The following RAD23B variants were observed in gnomAD, a reference collection of about 807,000 sequenced individuals.
RAD23B encodes the protein RAD23 nucleotide excision repair protein B.
RAD23B carries 5 observed loss-of-function variants against 49.1 expected under a neutral mutation model. The ratio of observed to expected loss-of-function variants is 0.10; its 90% CI spans 0.05 to 0.21. The LOEUF is 0.21. Among genes scored for constraint, RAD23B ranks in the 10% least tolerant of loss-of-function variants. The pLI, the probability that RAD23B is intolerant of heterozygous loss-of-function variation, is 1.00. For synonymous variants in RAD23B, 184 were observed against 165.4 expected (o/e 1.11, Z -0.86); for missense variants, 356 against 486.7 (o/e 0.73, Z 2.53).
At chr9:107,319,964 A>C (rs1217383360) in intron 6 of RAD23B, among the ~76,000 whole-genome samples, 1 of 152,174 alleles carries the variant, frequency 6.6e-6, no homozygotes, top group African/African-American at 2.4e-5. Context: ...TATCATCTTA[A>C]AGTTGCCTGA....
intron 2 of RAD23B, among the ~76,000 whole-genome samples, chr9:107,301,358 A>G (rs1450027680): frequency 6.6e-6 from 1 of 152,180 alleles, no homozygotes; most frequent in African/African-American, 2.4e-5. Flanking sequence ...TATTTTCCAG[A>G]GGACCCCTGT....
chr9:107,294,687 TAA>T (rs1241544025), intron 1 of RAD23B, among the ~76,000 whole-genome samples: 1 of 152,228 alleles, frequency 6.6e-6, no homozygotes, highest in Non-Finnish European at 1.5e-5. Context: ...CATTATGGTT[TAA>T]ATACCTCTAG....
chr9:107,284,288 C>G lies in RAD23B; in HGVS notation c.66+593C>G, dbSNP rs560617429. On this transcript the variant is annotated intron_variant, in intron 1 of 9. Transcript: ENST00000358015. Reference sequence around the variant, plus strand: ...TGCTGCCTTCCTCCCGCCACCAAACCCACACCCTTGCGTAGATTGCACTTT... The same window carrying G: ...TGCTGCCTTCCTCCCGCCACCAAACGCACACCCTTGCGTAGATTGCACTTT... The G allele has an allele frequency of 2.0e-4, 190 of 935,868 alleles. 1 individual carries two copies. Among genetic ancestry groups the G allele is most frequent in the Admixed American group, 2.5e-4 (4 of 16,212 alleles). 58.0% of individuals were successfully genotyped at this position (935,868 alleles called of 1,614,324 possible). A position where few individuals can be genotyped will look rare whatever the true frequency, so the allele number is the denominator to read the frequency against.
chr9:107,306,015 C>T (rs114837539), intron 3 of RAD23B, among the ~76,000 whole-genome samples: 1,677 of 128,736 alleles, frequency 0.013, 43 homozygotes, highest in African/African-American at 0.046. Context: ...AACTTAGGTA[C>T]ATAAAGTTTT....
At chr9:107,301,987 A>G (rs778650153) in intron 2 of RAD23B, 48 bp from the exon 3 acceptor site, 2 of 1,592,098 alleles carry the variant, frequency 1.3e-6, no homozygotes, top group South Asian at 2.3e-5. Flanking sequence ...CTGAAGTGTA[A>G]GAGAAAGATT....
chr9:107,327,424 G>A (rs534106010), intron 9 of RAD23B, among the ~76,000 whole-genome samples: 1 of 152,096 alleles, frequency 6.6e-6, no homozygotes, highest in Non-Finnish European at 1.5e-5. Flanking sequence ...TTCCTTCTGC[G>A]TTTATGCTAT....
In RAD23B at chr9:107,318,593, C is replaced by CTACTA. The variant is rs1827040891; in HGVS notation, c.554-159_554-158insTACTA. On this transcript the variant is annotated intron_variant, in intron 5 of 9. Transcript: ENST00000358015. The surrounding 1 kb of genome is among the most constrained non-coding windows in gnomAD (Gnocchi z 4.3). ...CAAACCAGAGGGCATCTTTGGGGGA[C>CTACTA]CATTACCTACTACATATATGTTGTA... 6.6e-6 allele frequency among the ~76,000 whole-genome samples: 1 copy of CTACTA among 152,168 alleles called. No individual in the cohort carries two copies. Among genetic ancestry groups the CTACTA allele is most frequent in the Admixed American group, 6.5e-5 (1 of 15,270 alleles).
chr9:107,300,333 A>G, intron 2 of RAD23B, 111 bp downstream of exon 2: 2 of 1,235,984 alleles, frequency 1.6e-6, no homozygotes, highest in South Asian at 4.4e-5. Flanking sequence ...ATGATTGTAC[A>G]AATAAAAGCA....
chr9:107,293,060 T>C (rs907687800), intron 1 of RAD23B, among the ~76,000 whole-genome samples: 24 of 151,746 alleles, frequency 1.6e-4, no homozygotes, highest in African/African-American at 5.9e-4. Flanking sequence ...CTTGACTGGC[T>C]GGAGGGTTCC....
intron 5 of RAD23B, among the ~76,000 whole-genome samples, chr9:107,314,279 T>C (rs1826947416): frequency 1.3e-5 from 2 of 152,210 alleles, no homozygotes; most frequent in Admixed American, 6.5e-5. Context: ...AAGTTTGGGC[T>C]TTTAGTGTAG....
At chr9:107,311,606 T>G in intron 4 of RAD23B, 76 bp from the exon 5 acceptor site, 1 of 970,684 alleles carries the variant, frequency 1.0e-6, no homozygotes, top group Non-Finnish European at 1.5e-6. Flanking sequence ...GTTTACCAAT[T>G]GGATAGTTAC....
intron 2 of RAD23B, among the ~76,000 whole-genome samples, chr9:107,301,528 A>G (rs1826653057): frequency 6.6e-6 from 1 of 152,110 alleles, no homozygotes; most frequent in Non-Finnish European, 1.5e-5. Context: ...TTTTAGTCAA[A>G]TGCTTATGCT....
chr9:107,326,683 G>C (rs1284084565), intron 9 of RAD23B, among the ~76,000 whole-genome samples: 4 of 129,414 alleles, frequency 3.1e-5, no homozygotes, highest in Non-Finnish European at 6.3e-5. Flanking sequence ...GCCCAGGCTG[G>C]ATTGCAGTGG....
Position 107,307,396 on chromosome 9 carries a change from A to C in RAD23B, c.497+749A>C, listed in dbSNP as rs560861318. Reference sequence around the variant, plus strand: ...GACGATCAGGTAAAATGACCAAAGCAAATGCTTAAGTCAGAGTTCTCTTGG... The same window carrying C: ...GACGATCAGGTAAAATGACCAAAGCCAATGCTTAAGTCAGAGTTCTCTTGG... On this transcript the variant is annotated intron_variant, in intron 4 of 9. Coordinates refer to ENST00000358015, the MANE Select transcript of RAD23B (RefSeq NM_002874.5). Among the ~76,000 whole-genome samples the C allele has an allele frequency of 7.2e-5, 11 of 152,350 alleles. 1 individual carries two copies. The highest frequency in any genetic ancestry group is 2.6e-4 in the African/African-American group (11 of 41,576).
At chr9:107,287,851 C>CA (rs919219101) in intron 1 of RAD23B, among the ~76,000 whole-genome samples, 1 of 118,224 alleles carries the variant, frequency 8.5e-6, no homozygotes, top group East Asian at 2.7e-4. Context: ...AAAAAAAAAA[C>CA]AAAAAAACTG....
intron 1 of RAD23B, among the ~76,000 whole-genome samples, chr9:107,288,635 A>G (rs1833322783): frequency 6.6e-6 from 1 of 151,926 alleles, no homozygotes; most frequent in Non-Finnish European, 1.5e-5. Context: ...TTTAGTAGAG[A>G]CAGGGTTTCA....
intron 1 of RAD23B, among the ~76,000 whole-genome samples, chr9:107,287,437 T>C (rs2133061297): frequency 6.6e-6 from 1 of 152,362 alleles, no homozygotes; most frequent in East Asian, 1.9e-4. Context: ...ACATTAAAAT[T>C]CTACATATAC....
rs187925219 is a variant in RAD23B, at chr9:107,309,661, G to A, written c.498-2021G>A. 2.4e-3 allele frequency among the ~76,000 whole-genome samples: 364 copies of A among 152,282 alleles called. 3 individuals are homozygous for A. Among genetic ancestry groups the A allele is most frequent in the African/African-American group, 8.5e-3 (352 of 41,546 alleles). ...AAAAACAATGTGTGGGCCGGGCGTG[G>A]TGGCTCACGCCTGTAATCCCAGCAC... On this transcript the variant is annotated intron_variant, in intron 4 of 9. Transcript: ENST00000358015.
chr9:107,303,300 A>G (rs567741155), intron 3 of RAD23B, among the ~76,000 whole-genome samples: 4 of 152,368 alleles, frequency 2.6e-5, no homozygotes, highest in African/African-American at 9.6e-5. Context: ...CAAAATAGTT[A>G]ATAGTAATAG....
Sources: gnomAD v4.1 joint callset for allele counts (sites outside exome capture counted in the v4.1 genomes callset) on GRCh38, gnomAD v4.1.1 for gene constraint, Gnocchi (gnomAD v3.1) non-coding constraint, MANE v1.5 for transcripts, NCBI Gene and HGNC (gene_info 2026-07-23, HGNC 2026-07-21) for gene names.